The following ANO1 variants were observed in gnomAD, a reference collection of about 807,000 sequenced individuals.
The protein encoded by ANO1 is anoctamin 1, also known as anoctamin-1.
A neutral mutation model predicts 124.0 loss-of-function variants in ANO1; 59 were observed. The ratio of observed to expected loss-of-function variants is 0.48; its 90% CI spans 0.39 to 0.59. The LOEUF (loss-of-function observed/expected upper bound fraction) is 0.59. Ranked by LOEUF, ANO1 falls within the 20% of genes least tolerant of loss-of-function variation. The pLI is 0.00. For missense variants in ANO1, 1,059 were observed against 1,328.0 expected (o/e 0.80, Z 3.15); for synonymous variants, 529 against 532.0 (o/e 0.99, Z 0.08).
At chr11:70,052,592 G>A (rs1164937433) in intron 1 of ANO1, among the ~76,000 whole-genome samples, 3 of 106,250 alleles carry the variant, frequency 2.8e-5, no homozygotes, top group East Asian at 2.3e-4. Context: ...TTTTCTTTTC[G>A]CCCAGGCTGG....
chr11:69,981,234 T>C (rs1855957313), upstream of ANO1, among the ~76,000 whole-genome samples: 1 of 152,190 alleles, frequency 6.6e-6, no homozygotes, highest in Admixed American at 6.5e-5. Flanking sequence ...GCACAAACTC[T>C]GGAGCTGGGC....
At chr11:70,072,045 A>G (rs1857884519) in intron 1 of ANO1, among the ~76,000 whole-genome samples, 1 of 152,220 alleles carries the variant, frequency 6.6e-6, no homozygotes, top group African/African-American at 2.4e-5. Flanking sequence ...AGAATATCTC[A>G]ATGACACACA....
chr11:70,059,705 G>A (rs1436268979), intron 1 of ANO1, among the ~76,000 whole-genome samples: 1 of 152,156 alleles, frequency 6.6e-6, no homozygotes, highest in Admixed American at 6.5e-5. Context: ...AAGGGAAGGA[G>A]GAGGTGGGTA....
chr11:70,177,975 T>C (rs543274090), intron 22 of ANO1, among the ~76,000 whole-genome samples: 1 of 152,264 alleles, frequency 6.6e-6, no homozygotes, highest in Non-Finnish European at 1.5e-5. Context: ...CACAACAAGA[T>C]GGCCATGCTG....
At chr11:69,968,242 CT>C in the ANO1 span, among the ~76,000 whole-genome samples, 1 of 152,094 alleles carries the variant, frequency 6.6e-6, no homozygotes, top group African/African-American at 2.4e-5. Flanking sequence ...TTCTTGGTGC[CT>C]CCCTGAGAGA....
intron 21 of ANO1, among the ~76,000 whole-genome samples, 168 bp from the exon 22 acceptor site, chr11:70,170,719 C>T (rs2048428492): frequency 6.6e-6 from 1 of 152,184 alleles, no homozygotes; most frequent in Non-Finnish European, 1.5e-5. Flanking sequence ...CATGGAGGGT[C>T]CATCCCAAGA....
At chr11:70,101,910 C>T (rs1255609616) in intron 2 of ANO1, among the ~76,000 whole-genome samples, 1 of 152,208 alleles carries the variant, frequency 6.6e-6, no homozygotes, top group African/African-American at 2.4e-5. Flanking sequence ...ACCAAGGCCC[C>T]CACTGCCTTT....
At chr11:70,180,878 T>A (rs2048902775) in intron 23 of ANO1, among the ~76,000 whole-genome samples, 1 of 152,140 alleles carries the variant, frequency 6.6e-6, no homozygotes, top group Non-Finnish European at 1.5e-5. Context: ...CTCATCAGCC[T>A]TACACACGGC....
At chr11:70,062,274 G>A (rs782277715) in intron 1 of ANO1, among the ~76,000 whole-genome samples, 3 of 151,922 alleles carry the variant, frequency 2.0e-5, no homozygotes, top group East Asian at 1.9e-4. Flanking sequence ...TGGGGGTTTC[G>A]CTATGTTGGC....
chr11:70,122,644 C>A (rs2046341222), intron 8 of ANO1, among the ~76,000 whole-genome samples: 1 of 151,640 alleles, frequency 6.6e-6, no homozygotes, highest in Non-Finnish European at 1.5e-5. Flanking sequence ...CCTTCTCTCT[C>A]TCTGTCTCTG....
intron 1 of ANO1, among the ~76,000 whole-genome samples, chr11:69,991,984 G>A (rs558277416): frequency 6.6e-6 from 1 of 152,340 alleles, no homozygotes; most frequent in Non-Finnish European, 1.5e-5. Context: ...AGAGCATGCA[G>A]CAGCTTGGGT....
At position 70,104,082 on chromosome 11, in the gene ANO1, A is replaced by G; in HGVS notation, c.624A>G (p.Lys208=). The change falls in exon 4 of 26, where the codon AAA becomes AAG. Residue 208 remains lysine (K), a synonymous_variant. Coordinates refer to ENST00000355303, the MANE Select transcript of ANO1 (RefSeq NM_018043.7). The stretch of plus-strand genomic sequence containing the variant: ...AAATCACAGATCCCATCCAGCCCAA[A>G]GTGGCTGAGCACAGGCCCCAGACCA... The part of the protein sequence containing the change: ...LQKITDPIQP[K]VAEHRPQTMK... 9 of 1,613,064 alleles carry G rather than the reference A, an allele frequency of 5.6e-6. No homozygotes were observed. The highest frequency in any genetic ancestry group is 7.6e-6 in the Non-Finnish European group (9 of 1,179,618).
At chr11:70,133,058 C>G (rs2509176) in intron 11 of ANO1, among the ~76,000 whole-genome samples, 37,113 of 152,062 alleles carry the variant, frequency 0.24, 4,917 homozygotes, top group African/African-American at 0.35. Context: ...GGGGCCTCTC[C>G]GTCCCACCTC....
intron 12 of ANO1, chr11:70,149,997 C>A: frequency 1.5e-6 from 1 of 678,330 alleles, no homozygotes; most frequent in Admixed American, 2.0e-5. Flanking sequence ...CCAAAGTGAC[C>A]ACTCCCTGTC....
intron 1 of ANO1, among the ~76,000 whole-genome samples, chr11:70,071,338 C>T (rs1285939871): frequency 1.3e-5 from 2 of 152,048 alleles, no homozygotes; most frequent in Non-Finnish European, 2.9e-5. Flanking sequence ...ATAATATCAC[C>T]CTTTCCCTAC....
intron 2 of ANO1, among the ~76,000 whole-genome samples, chr11:70,092,189 GTCT>G (rs1303157154): frequency 2.6e-5 from 4 of 152,142 alleles, no homozygotes; most frequent in Non-Finnish European, 5.9e-5. Flanking sequence ...TCTGTTGTGT[GTCT>G]TCTTCTTGTA....
At chr11:70,145,607 T>C (rs1016581059) in intron 11 of ANO1, among the ~76,000 whole-genome samples, 1 of 152,062 alleles carries the variant, frequency 6.6e-6, no homozygotes, top group Non-Finnish European at 1.5e-5. Context: ...CCTTTGCTTC[T>C]ACCTGAAGAC....
chr11:70,112,828 G>T (rs1356258154), intron 7 of ANO1, among the ~76,000 whole-genome samples: 1 of 152,092 alleles, frequency 6.6e-6, no homozygotes, highest in Non-Finnish European at 1.5e-5. Context: ...CAAAGTGCTG[G>T]GATTACAGGC....
chr11:70,079,527 G>C (rs2044141110), intron 1 of ANO1, among the ~76,000 whole-genome samples: 1 of 152,140 alleles, frequency 6.6e-6, no homozygotes, highest in African/African-American at 2.4e-5. Context: ...CTCCCAGGAA[G>C]GGTTTGGCTT....
Sources: gnomAD v4.1 joint callset for allele counts (sites outside exome capture counted in the v4.1 genomes callset) on GRCh38, gnomAD v4.1.1 for gene constraint, MANE v1.5 for transcripts, NCBI Gene and HGNC (gene_info 2026-07-23, HGNC 2026-07-21) for gene names.